Variants in TGFA observed in about 807,000 individuals in gnomAD.
TGFA encodes transforming growth factor alpha, also known as protransforming growth factor alpha.
TGFA carries 12 observed loss-of-function variants against 21.7 expected under a neutral mutation model. The observed-to-expected ratio is 0.55, with a 90% CI of 0.35 to 0.90. The LOEUF is 0.90. TGFA is among the 40% of genes least tolerant of loss of function. The pLI is 0.01. For synonymous variants in TGFA, 79 were observed against 88.1 expected (o/e 0.90, Z 0.58); for missense variants, 178 against 210.8 (o/e 0.84, Z 0.96).
chr2:70,520,290 T>C (rs1413025384), intron 1 of TGFA, among the ~76,000 whole-genome samples: 2 of 152,084 alleles, frequency 1.3e-5, no homozygotes, highest in African/African-American at 2.4e-5. Context: ...GATCTTGAAA[T>C]AGCATGCCTT....
intron 4 of TGFA, among the ~76,000 whole-genome samples, chr2:70,455,614 A>G (rs1553490334): frequency 6.6e-6 from 1 of 152,198 alleles, no homozygotes; most frequent in Non-Finnish European, 1.5e-5. Flanking sequence ...CTTTTGCACC[A>G]ACCTAATAAA....
intron 2 of TGFA, among the ~76,000 whole-genome samples, chr2:70,490,396 G>A (rs1301034208): frequency 6.6e-6 from 1 of 152,146 alleles, no homozygotes; most frequent in African/African-American, 2.4e-5. Flanking sequence ...TTCAAATGAT[G>A]GCAAATGGGA....
chr2:70,486,544 C>T (rs1228055004), intron 2 of TGFA, among the ~76,000 whole-genome samples: 2 of 152,072 alleles, frequency 1.3e-5, no homozygotes, highest in East Asian at 3.9e-4. Context: ...GTGAGGCAAA[C>T]ACAGCCTCCT....
intron 1 of TGFA, among the ~76,000 whole-genome samples, chr2:70,536,473 T>A (rs529533078): frequency 1.2e-3 from 185 of 152,174 alleles, no homozygotes; most frequent in African/African-American, 4.3e-3. Flanking sequence ...TTAACACATT[T>A]AAAGAAATAG....
chr2:70,459,473 C>G (rs113806694), intron 3 of TGFA, among the ~76,000 whole-genome samples: 140 of 152,288 alleles, frequency 9.2e-4, no homozygotes, highest in African/African-American at 3.2e-3. Context: ...TTAATGCAGA[C>G]TGGTTTGGAA....
intron 1 of TGFA, among the ~76,000 whole-genome samples, chr2:70,545,140 T>C (rs1553505690): frequency 6.6e-6 from 1 of 151,990 alleles, no homozygotes. Flanking sequence ...TATAAATATA[T>C]ATACCTACTA....
intron 1 of TGFA, among the ~76,000 whole-genome samples, chr2:70,516,534 C>CA (rs5832014): frequency 0.064 from 9,798 of 152,186 alleles, 1,063 homozygotes; most frequent in African/African-American, 0.22. Flanking sequence ...GAGTTGGAGG[C>CA]AGGGCAGGGG....
At chr2:70,453,194 C>G (rs782185921) in intron 5 of TGFA, 24 bp downstream of exon 5, 4 of 1,600,316 alleles carry the variant, frequency 2.5e-6, no homozygotes, top group Non-Finnish European at 3.4e-6. Context: ...AATAGTGTCT[C>G]CCACCAGAGA....
chr2:70,541,611 AGCAGAGGAT>A (rs1185876882), intron 1 of TGFA, among the ~76,000 whole-genome samples: 6 of 152,192 alleles, frequency 3.9e-5, no homozygotes, highest in Admixed American at 2.0e-4. Flanking sequence ...GGGAGATGGC[AGCAGAGGAT>A]GCACGTGTTC....
intron 1 of TGFA, among the ~76,000 whole-genome samples, chr2:70,515,462 T>C (rs1021820712): frequency 1.3e-5 from 2 of 152,006 alleles, no homozygotes; most frequent in African/African-American, 4.8e-5. Flanking sequence ...CCCTCTGGGG[T>C]TTCCTTCCAG....
At chr2:70,526,688 G>T (rs1387497619) in intron 1 of TGFA, among the ~76,000 whole-genome samples, 1 of 152,104 alleles carries the variant, frequency 6.6e-6, no homozygotes, top group African/African-American at 2.4e-5. Context: ...AATGGGAGTG[G>T]GATCTCCCCT....
intron 3 of TGFA, chr2:70,461,554 AG>A (rs782328842): frequency 1.3e-5 from 2 of 152,342 alleles, no homozygotes; most frequent in East Asian, 3.9e-4. Flanking sequence ...GAAAGTTGTC[AG>A]GGAGTTGGGT....
At chr2:70,486,401 G>A (rs1241092061) in intron 2 of TGFA, among the ~76,000 whole-genome samples, 1 of 152,100 alleles carries the variant, frequency 6.6e-6, no homozygotes, top group Non-Finnish European at 1.5e-5. Flanking sequence ...AAACATCTAA[G>A]CAAATTGCAA....
chr2:70,470,371 G>T (rs1325463572), intron 2 of TGFA, among the ~76,000 whole-genome samples: 4 of 152,156 alleles, frequency 2.6e-5, no homozygotes, highest in Admixed American at 1.3e-4. Context: ...ATGCCTCCTG[G>T]CAGTCTTAGC....
rs1181959194 is a variant in TGFA at position 70,540,040 on chromosome 2, C to A, written c.40+13688G>T. Among the ~76,000 whole-genome samples, 3 of 152,242 alleles carry A rather than the reference C, an allele frequency of 2.0e-5. No individual in the cohort carries two copies. In the East Asian group the frequency reaches 5.8e-4, roughly 29 times the overall value. On this transcript the variant is annotated intron_variant, in intron 1 of 5. Transcript: ENST00000295400. ...CTTATAAAACACTAAGTTCCAGAAA[C>A]AATAGGAGAGAGGATAAGCAGGTTC...
intron 2 of TGFA, among the ~76,000 whole-genome samples, chr2:70,475,312 C>T (rs530440970): frequency 1.3e-5 from 2 of 152,244 alleles, no homozygotes; most frequent in East Asian, 1.9e-4. Flanking sequence ...TTTTATAGAG[C>T]GAATTCTATT....
chr2:70,488,424 C>G (rs1235404496), intron 2 of TGFA, among the ~76,000 whole-genome samples: 1 of 152,150 alleles, frequency 6.6e-6, no homozygotes, highest in African/African-American at 2.4e-5. Context: ...TATCCTAACT[C>G]CATTTGTTGA....
At chr2:70,498,999 G>GACA (rs1440235739) in intron 2 of TGFA, among the ~76,000 whole-genome samples, 4 of 152,030 alleles carry the variant, frequency 2.6e-5, no homozygotes, top group African/African-American at 9.7e-5. Flanking sequence ...CTGGGGTGGG[G>GACA]CCAGGACACT....
rs80015849 is a variant in TGFA, at chr2:70,459,826, C to T, written c.216-3338G>A. ...TCACTCTAGTGTTAATAGCTGCAAA[C>T]GCTCAACTCCCAGTCCCACACAGTG... On this transcript the variant is annotated intron_variant, in intron 3 of 5. Transcript: ENST00000295400. Among the ~76,000 whole-genome samples, 29 of 152,328 alleles carry T rather than the reference C, an allele frequency of 1.9e-4. No individual in the cohort carries two copies. The East Asian group carries it at 3.7e-3, about 19-fold the overall frequency.
Sources: gnomAD v4.1 joint callset for allele counts (sites outside exome capture counted in the v4.1 genomes callset) on GRCh38, gnomAD v4.1.1 for gene constraint, MANE v1.5 for transcripts, NCBI Gene and HGNC (gene_info 2026-07-23, HGNC 2026-07-21) for gene names.